Variants in STK32A observed in about 807,000 individuals in gnomAD.
STK32A encodes the protein serine/threonine-protein kinase 32A.
Under a neutral mutation model 53.2 loss-of-function variants are expected in STK32A, and 41 were observed. That is an observed-to-expected ratio of 0.77 (90% confidence interval 0.60 to 1.00). The LOEUF is 1.00. Ranked by LOEUF, STK32A falls within the 50% of genes least tolerant of loss-of-function variation. The pLI is 0.00. For synonymous variants in STK32A, 166 were observed against 162.8 expected (o/e 1.02, Z -0.15); for missense variants, 458 against 485.8 (o/e 0.94, Z 0.54).
chr5:147,337,971 T>C (rs896282955), intron 5 of STK32A, among the ~76,000 whole-genome samples: 3 of 152,128 alleles, frequency 2.0e-5, no homozygotes, highest in African/African-American at 4.8e-5. Context: ...GAAAAGATTA[T>C]TGGAGGCAAG....
chr5:147,313,063 CAAAAAAA>C (rs71583952), intron 4 of STK32A, among the ~76,000 whole-genome samples: 33 of 78,662 alleles, frequency 4.2e-4, no homozygotes, highest in African/African-American at 8.9e-4. Flanking sequence ...CTCATCTCTA[CAAAAAAA>C]AAAAAAAAAA....
intron 2 of STK32A, among the ~76,000 whole-genome samples, chr5:147,277,296 G>A (rs1180061526): frequency 6.6e-6 from 1 of 152,112 alleles, no homozygotes; most frequent in Non-Finnish European, 1.5e-5. Context: ...GTAAACCAAA[G>A]ATTGTCACCT....
chr5:147,322,547 T>C (rs1404391002), intron 4 of STK32A, among the ~76,000 whole-genome samples: 1 of 152,236 alleles, frequency 6.6e-6, no homozygotes, highest in African/African-American at 2.4e-5. Context: ...CCTCAGCAAA[T>C]AATTTGTCAC....
intron 4 of STK32A, among the ~76,000 whole-genome samples, chr5:147,285,952 A>G (rs2151958360): frequency 6.6e-6 from 1 of 152,302 alleles, no homozygotes; most frequent in South Asian, 2.1e-4. Flanking sequence ...GTATCTACTC[A>G]GAGGAAAATA....
chr5:147,360,266 A>T (rs1177457989), intron 7 of STK32A, among the ~76,000 whole-genome samples: 1 of 151,976 alleles, frequency 6.6e-6, no homozygotes, highest in East Asian at 1.9e-4. Flanking sequence ...TCTGGGCAAC[A>T]TGGCAAGACC....
In STK32A at chr5:147,279,348, G is replaced by A. The variant is rs933117846; in HGVS notation, c.210G>A (p.Lys70=). The A allele has an allele frequency of 6.2e-7, 1 of 1,611,966 alleles. No individual in the cohort carries two copies. The highest frequency in any genetic ancestry group is 1.3e-5 in the African/African-American group (1 of 75,034). ...VERNEVRNVF[K]ELQIMQGLEH... ...GCAATGAAGTGAGAAATGTCTTCAAGGAACTCCAGATCATGCAGGGTCTGG... is the reference window on the plus strand; with the variant it reads ...GCAATGAAGTGAGAAATGTCTTCAAAGAACTCCAGATCATGCAGGGTCTGG... Residue 70 remains lysine, a synonymous_variant, in exon 4 of 13, where the codon AAG becomes AAA. Transcript: ENST00000397936.
chr5:147,276,863 T>C (rs558588194), intron 2 of STK32A, among the ~76,000 whole-genome samples: 2 of 152,306 alleles, frequency 1.3e-5, no homozygotes, highest in East Asian at 3.9e-4. Context: ...TTTGAGAAAA[T>C]GGAGGCTCAA....
intron 4 of STK32A, among the ~76,000 whole-genome samples, chr5:147,299,948 C>T (rs1022342246): frequency 6.6e-6 from 1 of 152,104 alleles, no homozygotes; most frequent in African/African-American, 2.4e-5. Context: ...TCTCTCTGGG[C>T]CTGACACATT....
intron 2 of STK32A, among the ~76,000 whole-genome samples, chr5:147,257,623 C>T (rs763502682): frequency 3.3e-5 from 5 of 152,120 alleles, no homozygotes; most frequent in East Asian, 1.9e-4. Flanking sequence ...TTTCTTGACT[C>T]GGGTGTGATG....
chr5:147,376,412 T>G (rs1010984686), intron 11 of STK32A, among the ~76,000 whole-genome samples: 1 of 152,110 alleles, frequency 6.6e-6, no homozygotes, highest in Non-Finnish European at 1.5e-5. Flanking sequence ...GACTTGCTCC[T>G]TCCCCTGACC....
Position 147,281,882 on chromosome 5 carries a change from A to G in STK32A, c.260+2484A>G, listed in dbSNP as rs193202266. Among the ~76,000 whole-genome samples, 99 of 152,344 alleles carry G rather than the reference A, an allele frequency of 6.5e-4. 2 individuals are homozygous for G. In the East Asian group the frequency reaches 0.018, roughly 28 times the overall value. ...AGAAGCACCAGGAAACCTACAAAGG[A>G]AAACCTATTAGATTAACAGCAGATT... is the stretch of plus-strand genomic sequence containing the variant. On this transcript the variant is annotated intron_variant, in intron 4 of 12. Transcript: ENST00000397936.
At chr5:147,371,493 T>G (rs1338788705) in intron 9 of STK32A, among the ~76,000 whole-genome samples, 1 of 152,154 alleles carries the variant, frequency 6.6e-6, no homozygotes, top group Admixed American at 6.6e-5. Context: ...CCACAGGACC[T>G]TTGCACATGC....
chr5:147,337,045 A>G (rs1471906851), intron 5 of STK32A, among the ~76,000 whole-genome samples: 3 of 152,312 alleles, frequency 2.0e-5, no homozygotes, highest in Admixed American at 2.0e-4. Context: ...GGGAGGCGCA[A>G]TGAAGGGATG....
chr5:147,299,407 C>G (rs764613949), intron 4 of STK32A, among the ~76,000 whole-genome samples: 1 of 152,094 alleles, frequency 6.6e-6, no homozygotes, highest in Non-Finnish European at 1.5e-5. Context: ...TGCTGACCTC[C>G]TATCTCATCC....
At chr5:147,308,558 G>A (rs1446366965) in intron 4 of STK32A, among the ~76,000 whole-genome samples, 2 of 152,092 alleles carry the variant, frequency 1.3e-5, no homozygotes, top group Non-Finnish European at 2.9e-5. Context: ...CATGCATTGA[G>A]AACAATGTTG....
chr5:147,338,584 A>C (rs1459251256), intron 5 of STK32A, among the ~76,000 whole-genome samples: 2 of 152,194 alleles, frequency 1.3e-5, no homozygotes, highest in Non-Finnish European at 2.9e-5. Flanking sequence ...AGATAGGAAA[A>C]TGTGGGAAAG....
chr5:147,292,823 T>C (rs183341650), intron 4 of STK32A, among the ~76,000 whole-genome samples: 159 of 152,080 alleles, frequency 1.0e-3, no homozygotes, highest in Non-Finnish European at 1.8e-3. Flanking sequence ...ATCACATCAT[T>C]GCACTCCAGC....
At chr5:147,254,900 G>C (rs919015535) in intron 2 of STK32A, among the ~76,000 whole-genome samples, 1 of 152,204 alleles carries the variant, frequency 6.6e-6, no homozygotes, top group Non-Finnish European at 1.5e-5. Context: ...AGCACTTTGG[G>C]AGGCAGAGGT....
intron 2 of STK32A, among the ~76,000 whole-genome samples, chr5:147,247,033 A>G (rs1014366293): frequency 6.6e-6 from 1 of 152,250 alleles, no homozygotes; most frequent in South Asian, 2.1e-4. Flanking sequence ...AACTTTTTAT[A>G]CTATCCAAAG....
Sources: gnomAD v4.1 joint callset for allele counts (sites outside exome capture counted in the v4.1 genomes callset) on GRCh38, gnomAD v4.1.1 for gene constraint, MANE v1.5 for transcripts, NCBI Gene and HGNC (gene_info 2026-07-23, HGNC 2026-07-21) for gene names.